PPM1F: variants seen among roughly 807,000 people sequenced by gnomAD.
PPM1F encodes the protein protein phosphatase, Mg2+/Mn2+ dependent 1F.
Under a neutral mutation model 35.5 loss-of-function variants are expected in PPM1F, and 17 were observed. That is an observed-to-expected ratio of 0.48 (90% CI 0.33 to 0.72). The LOEUF (loss-of-function observed/expected upper bound fraction) is 0.72, where lower values mean the gene tolerates loss of function less well. PPM1F is among the 30% of genes least tolerant of loss of function. PPM1F has a pLI of 0.02. For synonymous variants in PPM1F, 241 were observed against 255.5 expected (o/e 0.94, Z 0.54); for missense variants, 521 against 613.0 (o/e 0.85, Z 1.59).
chr22:21,934,217 G>A lies in PPM1F; in HGVS notation c.365C>T (p.Ala122Val). The A allele has an allele frequency of 6.4e-7, 1 of 1,569,392 alleles. No homozygotes were observed. Among genetic ancestry groups the A allele is most frequent in the Non-Finnish European group, 8.6e-7 (1 of 1,156,464 alleles). The change falls in exon 4 of 8, where the codon GCC (alanine) becomes GTC (valine). Residue 122 changes from alanine to valine, a missense_variant. Transcript: ENST00000263212. Reference protein sequence around the residue: ...EEKAPVTLLDAQSLAQSFFNR... With the variant: ...EEKAPVTLLDVQSLAQSFFNR... ...AAAGAAACTCTGTGCCAGGCTTTGG[G>A]CATCCAGCACTGATGGGCACAATGG... is the stretch of plus-strand genomic sequence containing the variant.
At chr22:21,933,678 A>T in intron 4 of PPM1F, 99 bp from the exon 5 acceptor site, 1 of 1,148,612 alleles carries the variant, frequency 8.7e-7, no homozygotes, top group Admixed American at 2.2e-5. Flanking sequence ...TGGGAGAATC[A>T]GTATGGCCTT....
intron 3 of PPM1F, chr22:21,938,756 G>A (rs2070692528): frequency 4.6e-6 from 1 of 215,962 alleles, no homozygotes; most frequent in Non-Finnish European, 8.0e-6. Flanking sequence ...CGATTCTTAC[G>A]CCCTGTATTT....
intron 3 of PPM1F, chr22:21,936,743 A>T (rs1460544354): frequency 6.6e-6 from 1 of 152,240 alleles, no homozygotes; most frequent in Non-Finnish European, 1.5e-5. Context: ...TGTTGAAACC[A>T]CCGTGGAAGC....
intron 2 of PPM1F, 117 bp downstream of exon 2, chr22:21,945,726 C>G (rs942400139): frequency 9.5e-6 from 10 of 1,052,180 alleles, no homozygotes; most frequent in Admixed American, 9.4e-5. Flanking sequence ...GCATAGGGAT[C>G]CGGGGCTGCA....
At position 21,939,089 on chromosome 22, in the gene PPM1F, CG is replaced by C. The variant is rs746090047; in HGVS notation, c.355+442del. 2 of 170,362 alleles carry C rather than the reference CG, an allele frequency of 1.2e-5. No individual in the cohort carries two copies. Among genetic ancestry groups the C allele is most frequent in the South Asian group, 2.4e-4 (2 of 8,374 alleles). The allele number at this position is 170,362 out of a possible 1,614,324, so 10.6% of individuals were successfully genotyped here. A position where few individuals can be genotyped will look rare whatever the true frequency, so the allele number is the denominator to read the frequency against. Reference sequence around the variant, plus strand: ...CGTTGAGGGGACCACGCTGCTGCCCCGAGACCTGCTGGCATGCCACCTGGCC... The same window carrying C: ...CGTTGAGGGGACCACGCTGCTGCCCCAGACCTGCTGGCATGCCACCTGGCC... On this transcript the variant is annotated intron_variant, in intron 3 of 7. Transcript: ENST00000263212. This position sits in a 1 kb window ranked among gnomAD's most constrained non-coding sequence, Gnocchi z 5.1.
chr22:21,928,295 C>A (rs770334931), intron 6 of PPM1F, among the ~76,000 whole-genome samples: 4 of 152,146 alleles, frequency 2.6e-5, no homozygotes, highest in Non-Finnish European at 4.4e-5. Flanking sequence ...ATGCCCAAGG[C>A]CCTCTGCGAT....
At position 21,921,126 on chromosome 22, in the gene PPM1F, T is replaced by C. The variant is rs2070442578; in HGVS notation, c.*1966A>G. 1 of 151,078 alleles carries C rather than the reference T, an allele frequency of 6.6e-6. No individual in the cohort carries two copies. The highest frequency in any genetic ancestry group is 2.4e-5 in the African/African-American group (1 of 41,316). 9.4% of individuals were successfully genotyped at this position (151,078 alleles called of 1,614,324 possible). A position where few individuals can be genotyped will look rare whatever the true frequency, so the allele number is the denominator to read the frequency against. ...TGAGGGGTAAGGCTGGGCATGCAGG[T>C]AGGGCCCCAGCAAAGCTGGCTCCCC... On this transcript the variant is annotated 3_prime_UTR_variant, in exon 8 of 8. Coordinates refer to ENST00000263212, the MANE Select transcript of PPM1F (RefSeq NM_014634.4).
intron 6 of PPM1F, chr22:21,926,096 A>C: frequency 6.2e-6 from 1 of 162,358 alleles, no homozygotes. Flanking sequence ...GGGAAGCCTG[A>C]GCGAGGCCCT....
intron 7 of PPM1F, 36 bp from the exon 8 acceptor site, chr22:21,923,507 A>G: frequency 6.4e-7 from 1 of 1,559,258 alleles, no homozygotes; most frequent in Non-Finnish European, 8.7e-7. Context: ...TCAGAGGACC[A>G]CGGTGTCCAC....
At chr22:21,934,321 G>GC in intron 3 of PPM1F, 95 bp from the exon 4 acceptor site, 1 of 1,034,210 alleles carries the variant, frequency 9.7e-7, no homozygotes, top group Non-Finnish European at 1.4e-6. Context: ...GGCCTGCAAA[G>GC]CCCCCATCAC....
intron 1 of PPM1F, chr22:21,950,222 C>T (rs1262365028): frequency 1.3e-5 from 2 of 152,098 alleles, no homozygotes; most frequent in Non-Finnish European, 2.9e-5. Flanking sequence ...TACCCCCCAC[C>T]CTAGGGCAGC....
chr22:21,930,999 G>A (rs747377372), intron 6 of PPM1F, 149 bp downstream of exon 6: 51 of 1,321,212 alleles, frequency 3.9e-5, no homozygotes, highest in African/African-American at 1.3e-4. Context: ...TGGGACCCCC[G>A]GCCACTCAAA....
At position 21,922,928 on chromosome 22, in the gene PPM1F, C is replaced by A; in HGVS notation, c.*164G>T. On this transcript the variant is annotated 3_prime_UTR_variant, in exon 8 of 8. Coordinates refer to ENST00000263212, the MANE Select transcript of PPM1F (RefSeq NM_014634.4). ...GCCACCCAGTGCAGTTCCACAGCCA[C>A]CAGGACGGGCTGCGGGGGGTGTCCC... is the stretch of plus-strand genomic sequence containing the variant. The A allele has an allele frequency of 1.1e-6, 1 of 891,210 alleles. No homozygotes were observed. The highest frequency in any genetic ancestry group is 1.7e-5 in the South Asian group (1 of 59,802). 55.2% of individuals were successfully genotyped at this position (891,210 alleles called of 1,614,324 possible).
rs2070448496 is a variant in PPM1F at position 21,921,581 on chromosome 22, G to C, written c.*1511C>G. The C allele has an allele frequency of 6.6e-6, 1 of 152,286 alleles. No individual in the cohort carries two copies. The highest frequency in any genetic ancestry group is 2.4e-5 in the African/African-American group (1 of 41,436). The allele number at this position is 152,286 out of a possible 1,614,324, so 9.4% of individuals were successfully genotyped here. On this transcript the variant is annotated 3_prime_UTR_variant, in exon 8 of 8. Coordinates refer to ENST00000263212, the MANE Select transcript of PPM1F (RefSeq NM_014634.4). ...CTCAGGGTGCACTAGGGGACGTGGA[G>C]CTCTCATGCCTGTTCAGGGCATGGG...
chr22:21,934,346 T>TG lies in PPM1F; in HGVS notation c.356-121dup, dbSNP rs1195380528. 62 of 763,556 alleles carry TG rather than the reference T, an allele frequency of 8.1e-5. No homozygotes were observed. In the South Asian group the frequency reaches 9.8e-4, roughly 12 times the overall value. 47.3% of individuals were successfully genotyped at this position (763,556 alleles called of 1,614,324 possible). ...GCCCCCATCACCTCCCGGGGCATTG[T>TG]GAGCACATCAACTCAATAACGCGCA... On this transcript the variant is annotated intron_variant, in intron 3 of 7. Coordinates refer to ENST00000263212, the MANE Select transcript of PPM1F (RefSeq NM_014634.4).
chr22:21,951,003 GATTTT>G (rs915944953), intron 1 of PPM1F: 8 of 152,040 alleles, frequency 5.3e-5, no homozygotes, highest in African/African-American at 1.7e-4. Context: ...GTAAATCCTA[GATTTT>G]TTTTCTACAT....
intron 7 of PPM1F, chr22:21,925,308 C>A: frequency 2.3e-6 from 1 of 433,378 alleles, no homozygotes; most frequent in South Asian, 7.0e-5. Flanking sequence ...GGGTGGTGAG[C>A]CACAGGTTTC....
chr22:21,946,418 G>C (rs188147260), intron 1 of PPM1F: 1 of 178,536 alleles, frequency 5.6e-6, no homozygotes, highest in Non-Finnish European at 1.2e-5. Flanking sequence ...CAGGGATGCC[G>C]AGGCCAGGCA....
rs991698042 is a variant in PPM1F, at chr22:21,933,706, T to C, written c.559-127A>G. The C allele has an allele frequency of 3.8e-5, 32 of 848,874 alleles. No homozygotes were observed. The Admixed American group carries it at 4.3e-4, about 11-fold the overall frequency. 52.6% of individuals were successfully genotyped at this position (848,874 alleles called of 1,614,324 possible). A position where few individuals can be genotyped will look rare whatever the true frequency, so the allele number is the denominator to read the frequency against. On this transcript the variant is annotated intron_variant, in intron 4 of 7. Coordinates refer to ENST00000263212, the MANE Select transcript of PPM1F (RefSeq NM_014634.4). ...ATGGCCTTCGCCCGGCTTATGTGCG[T>C]ATGAGGGGGTAGGTTTGGAAAAGGA...
Sources: allele counts gnomAD v4.1 joint callset (sites outside exome capture counted in the v4.1 genomes callset), GRCh38; gene constraint gnomAD v4.1.1; non-coding constraint Gnocchi (gnomAD v3.1); transcripts MANE v1.5; gene names NCBI Gene and HGNC (gene_info 2026-07-23, HGNC 2026-07-21).